The following TNS3 variants were observed in gnomAD, a reference collection of about 807,000 sequenced individuals.
TNS3 encodes tensin-3.
In TNS3, 45 loss-of-function variants were observed where a neutral mutation model predicts 140.9. The ratio of observed to expected loss-of-function variants is 0.32; its 90% CI spans 0.25 to 0.41. The LOEUF (loss-of-function observed/expected upper bound fraction) is 0.41. Among genes scored for constraint, TNS3 ranks in the 10% least tolerant of loss-of-function variants. TNS3 has a pLI of 1.00. For missense variants in TNS3, 1,716 were observed against 1,906.7 expected (o/e 0.90, Z 1.86); for synonymous variants, 815 against 788.4 (o/e 1.03, Z -0.56).
intron 28 of TNS3, among the ~76,000 whole-genome samples, chr7:47,282,253 C>A (rs1785185406): frequency 6.7e-6 from 1 of 149,728 alleles, no homozygotes; most frequent in Non-Finnish European, 1.5e-5. Flanking sequence ...CCATACCCAA[C>A]TGGGACCCTG....
intron 20 of TNS3, among the ~76,000 whole-genome samples, chr7:47,310,929 A>G (rs1055069902): frequency 6.6e-6 from 1 of 152,210 alleles, no homozygotes; most frequent in Admixed American, 6.5e-5. Flanking sequence ...ATAGTATTCC[A>G]TGGTGTATAT....
Position 47,302,937 on chromosome 7 carries a change from G to A in TNS3, c.3457+13C>T. Reference sequence around the variant, plus strand: ...ACAGAGGGGCCCTTCCAACCAGCTGGAAACACACCTACCTGGCAGAGGTGA... The same window carrying A: ...ACAGAGGGGCCCTTCCAACCAGCTGAAAACACACCTACCTGGCAGAGGTGA... On this transcript the variant is annotated intron_variant, in intron 22 of 30. Coordinates refer to ENST00000311160, the MANE Select transcript of TNS3 (RefSeq NM_022748.12). The A allele has an allele frequency of 6.3e-7, 1 of 1,585,150 alleles. No individual in the cohort carries two copies. Among genetic ancestry groups the A allele is most frequent in the African/African-American group, 1.3e-5 (1 of 74,458 alleles).
chr7:47,329,619 G>A (rs1788222055), intron 20 of TNS3, among the ~76,000 whole-genome samples: 1 of 152,222 alleles, frequency 6.6e-6, no homozygotes, highest in African/African-American at 2.4e-5. Context: ...TTTATGTGTT[G>A]CAGAGCAGCA....
In TNS3 at chr7:47,556,063, A is replaced by G. The variant is rs149154281; in HGVS notation, c.-265+25988T>C. On this transcript the variant is annotated intron_variant, in intron 1 of 30. Transcript: ENST00000311160. The stretch of plus-strand genomic sequence containing the variant: ...CACACATACACTTGTGTACATATAC[A>G]TTTAGGAACGTGCACTTACATACAC... 8.0e-3 allele frequency among the ~76,000 whole-genome samples: 1,212 copies of G among 152,310 alleles called. 17 individuals are homozygous for G. The highest frequency in any genetic ancestry group is 0.028 in the African/African-American group (1,150 of 41,562).
At chr7:47,349,907 T>C (rs895564954) in intron 17 of TNS3, among the ~76,000 whole-genome samples, 10 of 152,152 alleles carry the variant, frequency 6.6e-5, no homozygotes, top group African/African-American at 2.4e-4. Context: ...AAAAGCCCAT[T>C]ATCACTCCAT....
At chr7:47,342,876 C>T (rs1426663504) in intron 20 of TNS3, among the ~76,000 whole-genome samples, 2 of 152,192 alleles carry the variant, frequency 1.3e-5, no homozygotes, top group African/African-American at 2.4e-5. Context: ...GTGGGTGGGG[C>T]CTCCTGGCAA....
rs530143055 is a variant in TNS3 at position 47,275,694 on chromosome 7, T to C, written c.*2382A>G. 883 of 427,224 alleles carry C rather than the reference T, an allele frequency of 2.1e-3. 4 individuals carry two copies. Among genetic ancestry groups the C allele is most frequent in the Non-Finnish European group, 2.1e-3 (456 of 212,544 alleles). 26.5% of individuals were successfully genotyped at this position (427,224 alleles called of 1,614,324 possible). On this transcript the variant is annotated 3_prime_UTR_variant, in exon 31 of 31. Coordinates refer to ENST00000311160, the MANE Select transcript of TNS3 (RefSeq NM_022748.12). ...TCCTATACCAGCTCTTCAGAAATCG[T>C]GGAAACTTGCTTCCTTTGGTTCCTC... is the stretch of plus-strand genomic sequence containing the variant.
Position 47,470,631 on chromosome 7 carries a change from A to G in TNS3, c.-76+10472T>C, listed in dbSNP as rs550146217. 246 of 985,462 alleles carry G rather than the reference A, an allele frequency of 2.5e-4. 3 individuals carry two copies. In the South Asian group the frequency reaches 0.011, roughly 43 times the overall value. 61.0% of individuals were successfully genotyped at this position (985,462 alleles called of 1,614,324 possible). The stretch of plus-strand genomic sequence containing the variant: ...AGAGATCCCCAGCGCAGAGAAATGC[A>G]GCAACCCTGAACCACAGACGCAGGT... On this transcript the variant is annotated intron_variant, in intron 4 of 30. Coordinates refer to ENST00000311160, the MANE Select transcript of TNS3 (RefSeq NM_022748.12).
At position 47,283,781 on chromosome 7, in the gene TNS3, A is replaced by G; in HGVS notation, c.4013T>C (p.Leu1338Pro). 1.9e-5 allele frequency: 30 copies of G among 1,612,846 alleles called. No homozygotes were observed. Among genetic ancestry groups the G allele is most frequent in the Non-Finnish European group, 2.5e-5 (29 of 1,179,396 alleles). The change falls in exon 28 of 31, where the codon CTG becomes CCG. Residue 1338 changes from leucine to proline, a missense_variant. By Grantham distance (98) the Leu-to-Pro change is moderately conservative (BLOSUM62 -3). Coordinates refer to ENST00000311160, the MANE Select transcript of TNS3 (RefSeq NM_022748.12). ...GGACACAGGTGGAGGCTCCTGGACC[A>G]GGGTGATGCTCAGGGCCTTCTGGAT... ...QAIQKALSIT[L>P]VQEPPPVSTV...
intron 4 of TNS3, among the ~76,000 whole-genome samples, chr7:47,466,155 CCTTT>C (rs1368092852): frequency 2.6e-5 from 4 of 151,694 alleles, no homozygotes; most frequent in African/African-American, 9.7e-5. Context: ...CACTTCAGTT[CCTTT>C]CTTTTTTTTT....
intron 20 of TNS3, among the ~76,000 whole-genome samples, chr7:47,343,436 A>C (rs1035703887): frequency 2.6e-5 from 4 of 152,120 alleles, no homozygotes; most frequent in African/African-American, 9.6e-5. Flanking sequence ...CCCACCTTCC[A>C]CTGTTTGTCA....
chr7:47,527,831 C>A (rs999703478), intron 2 of TNS3, among the ~76,000 whole-genome samples: 1 of 151,290 alleles, frequency 6.6e-6, no homozygotes, highest in African/African-American at 2.4e-5. Context: ...TGGCTTGGGC[C>A]AGGAGGTCAA....
intron 27 of TNS3, among the ~76,000 whole-genome samples, chr7:47,291,659 G>A (rs535671132): frequency 2.0e-5 from 3 of 152,030 alleles, no homozygotes; most frequent in South Asian, 2.1e-4. Context: ...TACAGTTGCC[G>A]AGACAGATCA....
chr7:47,523,560 G>A (rs924655454), intron 2 of TNS3, among the ~76,000 whole-genome samples: 4 of 152,198 alleles, frequency 2.6e-5, no homozygotes, highest in Non-Finnish European at 4.4e-5. Flanking sequence ...GCCCATGGCT[G>A]CTGTTTCCTC....
chr7:47,525,872 A>T (rs545978567), intron 2 of TNS3, among the ~76,000 whole-genome samples: 1 of 152,326 alleles, frequency 6.6e-6, no homozygotes, highest in East Asian at 1.9e-4. Context: ...CACGCCACAT[A>T]TTTAAAATAC....
chr7:47,484,579 T>C (rs1413306559), intron 3 of TNS3, among the ~76,000 whole-genome samples: 1 of 152,192 alleles, frequency 6.6e-6, no homozygotes, highest in Non-Finnish European at 1.5e-5. Context: ...CAGCTGCATT[T>C]GCTGGACAGT....
At chr7:47,430,626 C>T (rs1794883130) in intron 8 of TNS3, among the ~76,000 whole-genome samples, 1 of 152,122 alleles carries the variant, frequency 6.6e-6, no homozygotes, top group South Asian at 2.1e-4. Context: ...ACGCATTCTT[C>T]TGAAGTGCAC....
intron 23 of TNS3, among the ~76,000 whole-genome samples, chr7:47,301,762 A>T (rs1786414516): frequency 6.6e-6 from 1 of 152,142 alleles, no homozygotes; most frequent in Non-Finnish European, 1.5e-5. Flanking sequence ...GTTCACAAAC[A>T]CACAGTGTCC....
chr7:47,302,309 G>C (rs752688067), intron 22 of TNS3, 37 bp from the exon 23 acceptor site: 1 of 1,529,298 alleles, frequency 6.5e-7, no homozygotes, highest in Non-Finnish European at 9.1e-7. Flanking sequence ...ACCATGATGG[G>C]CACTTTTCTT....
Sources: gnomAD v4.1 joint callset for allele counts (sites outside exome capture counted in the v4.1 genomes callset) on GRCh38, gnomAD v4.1.1 for gene constraint, MANE v1.5 for transcripts, NCBI Gene and HGNC (gene_info 2026-07-23, HGNC 2026-07-21) for gene names.